Variants in PTPRG observed in about 807,000 individuals in gnomAD.
PTPRG encodes protein tyrosine phosphatase receptor type G, also known as receptor-type tyrosine-protein phosphatase gamma.
PTPRG carries 102 observed loss-of-function variants against 165.3 expected under a neutral mutation model. The ratio of observed to expected loss-of-function variants is 0.62; its 90% confidence interval spans 0.53 to 0.73. The LOEUF (loss-of-function observed/expected upper bound fraction) is 0.73, where lower values mean the gene tolerates loss of function less well. Among genes scored for constraint, PTPRG ranks in the 30% least tolerant of loss-of-function variants. PTPRG has a pLI of 0.00. For missense variants in PTPRG, 1,866 were observed against 1,861.4 expected (o/e 1.00, Z -0.05); for synonymous variants, 675 against 669.5 (o/e 1.01, Z -0.13).
At chr3:61,977,854 C>T (rs2040544608) in intron 2 of PTPRG, among the ~76,000 whole-genome samples, 1 of 152,104 alleles carries the variant, frequency 6.6e-6, no homozygotes, top group African/African-American at 2.4e-5. Flanking sequence ...ATTAGAAACA[C>T]AAATGGTGTA....
intron 5 of PTPRG, among the ~76,000 whole-genome samples, chr3:62,129,632 A>G (rs1363913657): frequency 6.6e-6 from 1 of 152,194 alleles, no homozygotes; most frequent in African/African-American, 2.4e-5. Flanking sequence ...ATGATAATCT[A>G]TTCATGAGGG....
intron 5 of PTPRG, among the ~76,000 whole-genome samples, chr3:62,087,265 A>G (rs1701783822): frequency 1.3e-5 from 2 of 152,010 alleles, no homozygotes; most frequent in Admixed American, 1.3e-4. Flanking sequence ...GAGTTGTGTG[A>G]CTCTCAATCC....
intron 6 of PTPRG, among the ~76,000 whole-genome samples, chr3:62,141,472 A>T (rs993277240): frequency 2.6e-5 from 4 of 152,066 alleles, no homozygotes. Flanking sequence ...GGTGGCACCC[A>T]CCTGTAGTCC....
intron 1 of PTPRG, among the ~76,000 whole-genome samples, chr3:61,632,918 G>T (rs1701808227): frequency 6.6e-6 from 1 of 152,030 alleles, no homozygotes; most frequent in Admixed American, 6.5e-5. Flanking sequence ...TCCAGGACTA[G>T]CCTTCTTGCT....
intron 2 of PTPRG, among the ~76,000 whole-genome samples, chr3:61,950,254 C>T (rs116805582): frequency 0.01 from 1,539 of 152,328 alleles, 6 homozygotes; most frequent in Non-Finnish European, 0.014. Flanking sequence ...CCCCATCTGA[C>T]TTTCTGCCAT....
At chr3:62,031,241 A>G (rs1699760329) in intron 4 of PTPRG, among the ~76,000 whole-genome samples, 1 of 152,238 alleles carries the variant, frequency 6.6e-6, no homozygotes, top group South Asian at 2.1e-4. Context: ...CTACATAGGA[A>G]GAAAATAAGA....
intron 4 of PTPRG, among the ~76,000 whole-genome samples, chr3:62,070,553 G>A (rs1448476783): frequency 1.3e-5 from 2 of 152,220 alleles, no homozygotes; most frequent in African/African-American, 2.4e-5. Flanking sequence ...TACGTCCTGC[G>A]TGCATACATC....
chr3:61,936,496 A>G (rs1396788838), intron 2 of PTPRG, among the ~76,000 whole-genome samples: 1 of 152,226 alleles, frequency 6.6e-6, no homozygotes, highest in Non-Finnish European at 1.5e-5. Context: ...TCAAATAAAT[A>G]AAAGCCAGAA....
intron 2 of PTPRG, among the ~76,000 whole-genome samples, chr3:61,925,276 C>T (rs2039179334): frequency 6.6e-6 from 1 of 152,240 alleles, no homozygotes; most frequent in South Asian, 2.1e-4. Flanking sequence ...TGCTTTTTCT[C>T]TGTTGTCCTC....
At chr3:62,071,034 T>A (rs1203259620) in intron 4 of PTPRG, among the ~76,000 whole-genome samples, 1 of 152,232 alleles carries the variant, frequency 6.6e-6, no homozygotes. Flanking sequence ...GTTGCCTTTT[T>A]GGTTACCCTC....
intron 14 of PTPRG, among the ~76,000 whole-genome samples, chr3:62,234,500 AC>A (rs1700979282): frequency 6.6e-6 from 1 of 151,088 alleles, no homozygotes; most frequent in African/African-American, 2.4e-5. Flanking sequence ...GCATTGTCAA[AC>A]TTTGGCCTTT....
chr3:61,646,973 G>A (rs750434206), intron 1 of PTPRG, among the ~76,000 whole-genome samples: 2 of 152,190 alleles, frequency 1.3e-5, no homozygotes, highest in Non-Finnish European at 2.9e-5. Context: ...GTATTCCATG[G>A]TAGGGATGTG....
chr3:61,964,822 G>C, intron 2 of PTPRG, among the ~76,000 whole-genome samples: 1 of 151,976 alleles, frequency 6.6e-6, no homozygotes, highest in South Asian at 2.1e-4. Context: ...CCACTCTATT[G>C]TCATTTGATC....
intron 2 of PTPRG, among the ~76,000 whole-genome samples, chr3:61,915,449 A>G (rs978907116): frequency 6.6e-6 from 1 of 152,080 alleles, no homozygotes; most frequent in Non-Finnish European, 1.5e-5. Context: ...GGGGTAGTTG[A>G]GCTGAAATCT....
chr3:61,581,932 T>A (rs1700305008), intron 1 of PTPRG, among the ~76,000 whole-genome samples: 1 of 151,954 alleles, frequency 6.6e-6, no homozygotes, highest in South Asian at 2.1e-4. Context: ...TATCTTGGCA[T>A]GTACTGTACT....
chr3:62,121,110 AT>A (rs67168345), intron 5 of PTPRG, among the ~76,000 whole-genome samples: 53,727 of 141,432 alleles, frequency 0.38, 9,800 homozygotes, highest in Middle Eastern at 0.4. Flanking sequence ...AGCCTGGCTA[AT>A]TTTTTTTTTT....
At chr3:62,130,681 C>T (rs1483822877) in intron 5 of PTPRG, among the ~76,000 whole-genome samples, 2 of 152,164 alleles carry the variant, frequency 1.3e-5, no homozygotes, top group Non-Finnish European at 2.9e-5. Context: ...TGGTTAGGTT[C>T]TCTTCTCTTG....
chr3:61,710,283 C>A (rs932285666), intron 1 of PTPRG, among the ~76,000 whole-genome samples: 3 of 152,178 alleles, frequency 2.0e-5, no homozygotes, highest in East Asian at 1.9e-4. Flanking sequence ...ATATTTAAAT[C>A]TCTTCCTTAT....
At chr3:62,108,058 T>A (rs997029035) in intron 5 of PTPRG, among the ~76,000 whole-genome samples, 3 of 150,948 alleles carry the variant, frequency 2.0e-5, no homozygotes, top group Non-Finnish European at 3.0e-5. Flanking sequence ...TTTTTTTTTT[T>A]ATTATTATTA....
Sources: allele counts gnomAD v4.1 joint callset (sites outside exome capture counted in the v4.1 genomes callset), GRCh38; gene constraint gnomAD v4.1.1; transcripts MANE v1.5; gene names NCBI Gene and HGNC (gene_info 2026-07-23, HGNC 2026-07-21).